CAPN7: variants seen among roughly 807,000 people sequenced by gnomAD.
The protein encoded by CAPN7 is calpain-7.
CAPN7 carries 72 observed loss-of-function variants against 115.2 expected under a neutral mutation model. The ratio of observed to expected loss-of-function variants is 0.63; its 90% CI spans 0.52 to 0.76. The LOEUF (loss-of-function observed/expected upper bound fraction) is 0.76. CAPN7 is among the 30% of genes least tolerant of loss of function. The probability of loss-of-function intolerance (pLI) is 0.00; values close to 1 mark genes in which losing one functional copy is unlikely to be tolerated. For synonymous variants in CAPN7, 344 were observed against 322.3 expected (o/e 1.07, Z -0.72); for missense variants, 905 against 971.5 (o/e 0.93, Z 0.91).
chr3:15,217,445 C>A lies in CAPN7; in HGVS notation c.232C>A (p.Pro78Thr), dbSNP rs768004805. 1.2e-6 allele frequency: 2 copies of A among 1,612,482 alleles called. No homozygotes were observed. The highest frequency in any genetic ancestry group is 1.1e-5 in the South Asian group (1 of 90,848). Residue 78 changes from proline (P) to threonine (T), a missense_variant, in exon 3 of 21, where the codon CCT becomes ACT. This residue lies in a region of CAPN7 where 271 missense variants were observed against 239.6 expected (regional missense o/e 1.13). Transcript: ENST00000253693. ...CCTAGTTCAGTCAAAGAGTGCTGATCCTTTGAAGTCAAAACATCAGTTGGA... is the reference window on the plus strand; with the variant it reads ...CCTAGTTCAGTCAAAGAGTGCTGATACTTTGAAGTCAAAACATCAGTTGGA... The part of the protein sequence containing the change: ...HSAVQSKSAD[P>T]LKSKHQLDLE...
chr3:15,206,645 G>A, intron 1 of CAPN7, 48 bp downstream of exon 1: 1 of 1,379,458 alleles, frequency 7.2e-7, no homozygotes, highest in South Asian at 1.3e-5. Flanking sequence ...GTCGGAGTGC[G>A]GCCCGGGCCT....
chr3:15,206,721 C>T lies in CAPN7; in HGVS notation c.102+124C>T, dbSNP rs376778257. ...CCGGCTTTGCTTTTCCCTCGTCCGC[C>T]TCCCGGCCCTCCTCTTGTTGGGAGC... On this transcript the variant is annotated intron_variant, in intron 1 of 20. Transcript: ENST00000253693. 3.6e-4 allele frequency: 240 copies of T among 668,064 alleles called. No individual in the cohort carries two copies. The South Asian group carries it at 4.4e-3, about 12-fold the overall frequency. The allele number at this position is 668,064 out of a possible 1,614,324, so 41.4% of individuals were successfully genotyped here.
rs900210188 is a variant in CAPN7 at position 15,233,944 on chromosome 3, G to C, written c.1257G>C (p.Lys419Asn). ...AMHSDSQTFS[K>N]DNSFRMLYQR... ...ATTCAGATAGCCAAACTTTCAGTAA[G>C]GATAATTCTTTCAGAATGCTTTATC... The change falls in exon 11 of 21, where the codon AAG becomes AAC. Residue 419 changes from lysine (K) to asparagine (N), a missense_variant. Physicochemically the swap from Lys to Asn is moderately conservative, Grantham distance 94. Transcript: ENST00000253693. The C allele has an allele frequency of 6.3e-6, 10 of 1,591,116 alleles. No individual in the cohort carries two copies. The East Asian group carries it at 9.0e-5, about 14-fold the overall frequency.
intron 6 of CAPN7, 139 bp from the exon 7 acceptor site, chr3:15,227,700 T>C (rs1694408685): frequency 7.1e-6 from 3 of 421,222 alleles, no homozygotes; most frequent in Non-Finnish European, 1.2e-5. Flanking sequence ...GAGCCAGATT[T>C]GACCAGAAGG....
At position 15,220,997 on chromosome 3, in the gene CAPN7, A is replaced by C. The variant is rs199879625; in HGVS notation, c.638+16A>C. The C allele has an allele frequency of 6.3e-7, 1 of 1,595,550 alleles. No homozygotes were observed. The highest frequency in any genetic ancestry group is 1.3e-5 in the African/African-American group (1 of 74,616). On this transcript the variant is annotated intron_variant, in intron 5 of 20. Transcript: ENST00000253693. ...AAGTACTCAGGTAAATAAGTTTACA[A>C]TTAATTGTAATGAAGAATTTTGTTA...
chr3:15,211,419 A>T (rs957571686), intron 1 of CAPN7, among the ~76,000 whole-genome samples: 1 of 152,184 alleles, frequency 6.6e-6, no homozygotes, highest in Non-Finnish European at 1.5e-5. Context: ...TCAGTTCCTT[A>T]TGCGTGAATT....
At chr3:15,219,811 T>C (rs972216372) in intron 4 of CAPN7, among the ~76,000 whole-genome samples, 4 of 152,244 alleles carry the variant, frequency 2.6e-5, no homozygotes, top group Non-Finnish European at 5.9e-5. Context: ...TTGCATATCA[T>C]GTGAGGCTGT....
chr3:15,245,688 C>T lies in CAPN7; in HGVS notation c.2010+17C>T. 1 of 1,607,262 alleles carries T rather than the reference C, an allele frequency of 6.2e-7. No homozygotes were observed. ...ACGGTTCGGGTAAGTAAAACCAACA[C>T]ACAATGACAAAACACAGTAATATAA... On this transcript the variant is annotated intron_variant, in intron 17 of 20. Coordinates refer to ENST00000253693, the MANE Select transcript of CAPN7 (RefSeq NM_014296.3).
chr3:15,230,176 A>G (rs1232288908), intron 8 of CAPN7, among the ~76,000 whole-genome samples: 2 of 152,230 alleles, frequency 1.3e-5, no homozygotes, highest in Non-Finnish European at 2.9e-5. Context: ...ATGGTTTATT[A>G]GGGTATGTAA....
In CAPN7 at chr3:15,252,182, G is replaced by GCT. The variant is rs1202884547; in HGVS notation, c.*924_*925dup. On this transcript the variant is annotated 3_prime_UTR_variant, in exon 21 of 21. Transcript: ENST00000253693. ...TAAAAACCCATCAGGACAGAATGAT[G>GCT]CTCAATATTTTAAAATTCTAAAAAT... 6.6e-6 allele frequency: 1 copy of GCT among 152,526 alleles called. No homozygotes were observed. The highest frequency in any genetic ancestry group is 1.9e-4 in the East Asian group (1 of 5,200). 9.4% of individuals were successfully genotyped at this position (152,526 alleles called of 1,614,324 possible). A position where few individuals can be genotyped will look rare whatever the true frequency, so the allele number is the denominator to read the frequency against.
At chr3:15,237,146 A>T (rs1391127875) in intron 12 of CAPN7, among the ~76,000 whole-genome samples, 1 of 152,024 alleles carries the variant, frequency 6.6e-6, no homozygotes, top group Non-Finnish European at 1.5e-5. Context: ...TAAACTTTAA[A>T]TTTTTTTTAA....
chr3:15,223,434 G>C (rs1694119921), intron 5 of CAPN7, 41 bp from the exon 6 acceptor site: 1 of 1,240,686 alleles, frequency 8.1e-7, no homozygotes, highest in South Asian at 1.2e-5. Flanking sequence ...TGGCAATTAA[G>C]GTAAACTTGA....
chr3:15,244,409 ACT>A (rs1235980836), intron 16 of CAPN7, among the ~76,000 whole-genome samples: 4 of 152,180 alleles, frequency 2.6e-5, no homozygotes, highest in Admixed American at 6.5e-5. Flanking sequence ...TAATTACAAC[ACT>A]CTGCAGTAAA....
chr3:15,210,823 T>C, intron 1 of CAPN7: 2 of 1,289,628 alleles, frequency 1.6e-6, no homozygotes, highest in South Asian at 2.5e-5. Flanking sequence ...CAACTCCTGC[T>C]CAAACAACTG....
At chr3:15,243,549 A>C (rs1339119193) in intron 16 of CAPN7, among the ~76,000 whole-genome samples, 1 of 152,180 alleles carries the variant, frequency 6.6e-6, no homozygotes, top group Non-Finnish European at 1.5e-5. Flanking sequence ...AGACACCTTG[A>C]GGTTCAGCAG....
chr3:15,206,695 C>T, intron 1 of CAPN7, 98 bp downstream of exon 1: 5 of 879,526 alleles, frequency 5.7e-6, no homozygotes, highest in East Asian at 6.4e-5. Flanking sequence ...GGCTAGCGGC[C>T]CCGGCTTTGC....
At chr3:15,209,553 C>T (rs1391640209) in intron 1 of CAPN7, among the ~76,000 whole-genome samples, 1 of 152,144 alleles carries the variant, frequency 6.6e-6, no homozygotes, top group Non-Finnish European at 1.5e-5. Context: ...AAACTCTGGT[C>T]ACCCTGTGAT....
At chr3:15,224,522 C>G (rs1694196051) in intron 6 of CAPN7, among the ~76,000 whole-genome samples, 1 of 152,032 alleles carries the variant, frequency 6.6e-6, no homozygotes, top group South Asian at 2.1e-4. Context: ...ATCCATCTGC[C>G]TCAGCCTCCC....
intron 5 of CAPN7, among the ~76,000 whole-genome samples, chr3:15,222,025 G>GTA (rs1316858494): frequency 1.0e-4 from 15 of 148,560 alleles, no homozygotes; most frequent in South Asian, 4.2e-4. Flanking sequence ...ATACGTATAC[G>GTA]TATATATATA....
Sources: allele counts gnomAD v4.1 joint callset (sites outside exome capture counted in the v4.1 genomes callset), GRCh38; gene constraint gnomAD v4.1.1; regional missense constraint gnomAD v4.1.1; transcripts MANE v1.5; gene names NCBI Gene and HGNC (gene_info 2026-07-23, HGNC 2026-07-21).